The following EXT2 variants were observed in gnomAD, a reference collection of about 807,000 sequenced individuals.
The protein encoded by EXT2 is exostosin-2.
In EXT2, 53 loss-of-function variants were observed where a neutral mutation model predicts 81.6. That is an observed-to-expected ratio of 0.65 (90% CI 0.52 to 0.82). The LOEUF (loss-of-function observed/expected upper bound fraction) is 0.82, where lower values mean the gene tolerates loss of function less well. Among genes scored for constraint, EXT2 ranks in the 40% least tolerant of loss-of-function variants. EXT2 has a pLI of 0.00. For missense variants in EXT2, 774 were observed against 910.2 expected, an observed-to-expected ratio of 0.85 and a Z score of 1.93; for synonymous variants, 320 against 340.0, an observed-to-expected ratio of 0.94 and a Z score of 0.65.
chr11:44,153,923 T>TG (rs1954825330), intron 7 of EXT2, among the ~76,000 whole-genome samples: 1 of 151,878 alleles, frequency 6.6e-6, no homozygotes, highest in Non-Finnish European at 1.5e-5. Flanking sequence ...TGGTTGTTGT[T>TG]GTTTTTTTTT....
Position 44,171,659 on chromosome 11 carries a change from C to T in EXT2, c.1222C>T (p.Leu408=). The T allele has an allele frequency of 6.2e-7, 1 of 1,614,148 alleles. No homozygotes were observed. Among genetic ancestry groups the T allele is most frequent in the South Asian group, 1.1e-5 (1 of 91,084 alleles). The change falls in exon 8 of 14, where the codon CTG becomes TTG. Residue 408 remains leucine, a synonymous_variant. Transcript: ENST00000533608. ...CTTCCAGTCAATTAAAGCCATTGCC[C>T]TGGCCACCCTGCAGATTATCAATGA... ...AYFQSIKAIA[L]ATLQIINDRI... is the part of the protein sequence containing the mutation.
intron 7 of EXT2, among the ~76,000 whole-genome samples, chr11:44,164,827 T>C (rs1394545103): frequency 6.6e-6 from 1 of 152,144 alleles, no homozygotes; most frequent in Non-Finnish European, 1.5e-5. Flanking sequence ...TTCCACAGTT[T>C]AGAGTGACTG....
intron 1 of EXT2, among the ~76,000 whole-genome samples, chr11:44,098,189 C>T (rs918669109): frequency 9.9e-5 from 15 of 152,174 alleles, no homozygotes; most frequent in African/African-American, 3.6e-4. Context: ...GGAGCAGTCT[C>T]ACTGGACAGA....
intron 10 of EXT2, among the ~76,000 whole-genome samples, chr11:44,213,412 C>T (rs1366970473): frequency 6.6e-6 from 1 of 152,082 alleles, no homozygotes; most frequent in African/African-American, 2.4e-5. Flanking sequence ...CAAGGTGACA[C>T]AGATGTTAGA....
intron 7 of EXT2, among the ~76,000 whole-genome samples, chr11:44,161,402 G>A (rs966741514): frequency 1.3e-5 from 2 of 152,120 alleles, no homozygotes; most frequent in Non-Finnish European, 2.9e-5. Context: ...GCCAAGACAG[G>A]AGGTTCACCT....
intron 8 of EXT2, among the ~76,000 whole-genome samples, chr11:44,193,549 C>T (rs1456283514): frequency 6.6e-6 from 1 of 152,198 alleles, no homozygotes; most frequent in African/African-American, 2.4e-5. Flanking sequence ...GTGAAAGAAC[C>T]TGGATTCCGA....
intron 1 of EXT2, among the ~76,000 whole-genome samples, chr11:44,096,792 C>G (rs1953905012): frequency 6.6e-6 from 1 of 152,188 alleles, no homozygotes; most frequent in Non-Finnish European, 1.5e-5. Flanking sequence ...TAGAAAGGTT[C>G]TTGACTTATT....
intron 8 of EXT2, among the ~76,000 whole-genome samples, chr11:44,193,990 C>T (rs1472544422): frequency 6.6e-6 from 1 of 152,188 alleles, no homozygotes; most frequent in Non-Finnish European, 1.5e-5. Flanking sequence ...GTCTTGCCAG[C>T]GACTCTGGTT....
intron 8 of EXT2, 49 bp downstream of exon 8, chr11:44,171,791 G>T (rs780390333): frequency 2.2e-5 from 36 of 1,611,966 alleles, no homozygotes; most frequent in Non-Finnish European, 3.1e-5. Context: ...CAGCTGTCAG[G>T]GTGGGTGGAA....
intron 10 of EXT2, among the ~76,000 whole-genome samples, chr11:44,224,865 A>G (rs1955821889): frequency 6.6e-6 from 1 of 152,196 alleles, no homozygotes; most frequent in South Asian, 2.1e-4. Context: ...GAGCCTCACC[A>G]AAATCAACTT....
At position 44,114,175 on chromosome 11, in the gene EXT2, T is replaced by C. The variant is rs1362716082; in HGVS notation, c.627-10T>C. On this transcript the variant is annotated splice_polypyrimidine_tract_variant and intron_variant, in intron 3 of 13. Transcript: ENST00000533608. ...CTTTCTCATCGTTTAACAAAATACT[T>C]TGCTTTCAGGGCCCTGTTGGCTGGT... 2 of 1,612,508 alleles carry C rather than the reference T, an allele frequency of 1.2e-6. No individual in the cohort carries two copies. The highest frequency in any genetic ancestry group is 2.2e-5 in the South Asian group (2 of 91,050).
chr11:44,195,366 G>A (rs370760871), intron 8 of EXT2, among the ~76,000 whole-genome samples: 25 of 151,892 alleles, frequency 1.6e-4, no homozygotes, highest in Admixed American at 4.6e-4. Flanking sequence ...CCCGGGAGAC[G>A]GAGGTTGAGG....
rs1956089050 is a variant in EXT2, at chr11:44,245,841, T to C, written c.*1554T>C. On this transcript the variant is annotated 3_prime_UTR_variant, in exon 14 of 14. Coordinates refer to ENST00000533608, the MANE Select transcript of EXT2 (RefSeq NM_207122.2). ...TCTTTCATTTGAATAAGTGATCGAA[T>C]CATGGACTATTATTGCCAAAGGGGG... is the stretch of plus-strand genomic sequence containing the variant. Among the ~76,000 whole-genome samples the C allele has an allele frequency of 6.6e-6, 1 of 152,262 alleles. No individual in the cohort carries two copies. The highest frequency in any genetic ancestry group is 2.4e-5 in the African/African-American group (1 of 41,482).
chr11:44,144,398 G>C, intron 7 of EXT2: 1 of 1,435,600 alleles, frequency 7.0e-7, no homozygotes, highest in Non-Finnish European at 9.7e-7. Flanking sequence ...TCTTTGCTGA[G>C]AAGGCTTGAC....
chr11:44,237,359 A>G (rs894167215), intron 13 of EXT2, among the ~76,000 whole-genome samples: 1 of 152,086 alleles, frequency 6.6e-6, no homozygotes. Flanking sequence ...TATCTTTTTC[A>G]TGTATAAACA....
intron 10 of EXT2, among the ~76,000 whole-genome samples, chr11:44,229,319 A>G (rs183879817): frequency 6.6e-6 from 1 of 152,376 alleles, no homozygotes; most frequent in African/African-American, 2.4e-5. Context: ...ATCCCAGAGT[A>G]GAGAGAACAC....
chr11:44,181,782 C>T (rs1184146447), intron 8 of EXT2, among the ~76,000 whole-genome samples: 2 of 151,830 alleles, frequency 1.3e-5, no homozygotes, highest in African/African-American at 4.8e-5. Context: ...CTTTGAATTC[C>T]TTTTTCAGTT....
chr11:44,222,459 T>A (rs562947927), intron 10 of EXT2, among the ~76,000 whole-genome samples: 1 of 152,236 alleles, frequency 6.6e-6, no homozygotes, highest in Non-Finnish European at 1.5e-5. Context: ...TTATATATAC[T>A]TCCTGTCAGT....
intron 10 of EXT2, among the ~76,000 whole-genome samples, chr11:44,211,690 T>C (rs1955650327): frequency 6.6e-6 from 1 of 152,234 alleles, no homozygotes; most frequent in Non-Finnish European, 1.5e-5. Flanking sequence ...GGAATAGTTC[T>C]GGTGATCTAT....
Sources: gnomAD v4.1 joint callset for allele counts (sites outside exome capture counted in the v4.1 genomes callset) on GRCh38, gnomAD v4.1.1 for gene constraint, MANE v1.5 for transcripts, NCBI Gene and HGNC (gene_info 2026-07-23, HGNC 2026-07-21) for gene names.